The following NCAM2 variants were observed in gnomAD, a reference collection of about 807,000 sequenced individuals.
The protein encoded by NCAM2 is N-CAM-2.
A neutral mutation model predicts 98.1 loss-of-function variants in NCAM2; 30 were observed. That is an observed-to-expected ratio of 0.31 (90% CI 0.23 to 0.41). NCAM2 has a LOEUF of 0.41. Among genes scored for constraint, NCAM2 ranks in the 10% least tolerant of loss-of-function variants. NCAM2 has a pLI of 1.00. For synonymous variants in NCAM2, 368 were observed against 342.4 expected (o/e 1.07, Z -0.83); for missense variants, 867 against 1,005.8 (o/e 0.86, Z 1.87).
intron 9 of NCAM2, among the ~76,000 whole-genome samples, chr21:21,392,405 T>C (rs561595316): frequency 1.6e-4 from 25 of 152,214 alleles, no homozygotes; most frequent in Non-Finnish European, 3.5e-4. Flanking sequence ...AGTGCTGCAG[T>C]GAACATACAA....
chr21:21,144,071 T>C (rs1177597378), intron 1 of NCAM2, among the ~76,000 whole-genome samples: 1 of 152,100 alleles, frequency 6.6e-6, no homozygotes, highest in Non-Finnish European at 1.5e-5. Flanking sequence ...ACCTTTTGGC[T>C]GGGCACGGTG....
At chr21:21,020,188 A>G (rs1032978837) in intron 1 of NCAM2, among the ~76,000 whole-genome samples, 1 of 152,032 alleles carries the variant, frequency 6.6e-6, no homozygotes, top group Non-Finnish European at 1.5e-5. Context: ...GGTGCCCACC[A>G]CCAAGCCTGG....
At chr21:21,433,918 TAA>T (rs74523281) in intron 12 of NCAM2, among the ~76,000 whole-genome samples, 11,430 of 152,088 alleles carry the variant, frequency 0.075, 469 homozygotes, top group East Asian at 0.16. Flanking sequence ...AAATTAATAT[TAA>T]GTCTGAATAT....
At position 21,415,571 on chromosome 21, in the gene NCAM2, G is replaced by A. The variant is rs575687925; in HGVS notation, c.1384-2902G>A. Reference sequence around the variant, plus strand: ...AGGATGATCTCGATCTCCTGACCTCGTGATCTGCCCGCCTCGGCCTCCCAA... The same window carrying A: ...AGGATGATCTCGATCTCCTGACCTCATGATCTGCCCGCCTCGGCCTCCCAA... On this transcript the variant is annotated intron_variant, in intron 10 of 17. Coordinates refer to ENST00000400546, the MANE Select transcript of NCAM2 (RefSeq NM_004540.5). 5.3e-5 allele frequency among the ~76,000 whole-genome samples: 8 copies of A among 152,048 alleles called. No individual in the cohort carries two copies. In the South Asian group the frequency reaches 6.2e-4, roughly 12 times the overall value.
rs1329664445 is a variant in NCAM2 at position 21,452,595 on chromosome 21, C to A, written c.1655-14011C>A. ...TATATTGTATATATATTGTATTGTG[C>A]ATATAATTGTATATATAGTATAATA... On this transcript the variant is annotated intron_variant, in intron 12 of 17. Coordinates refer to ENST00000400546, the MANE Select transcript of NCAM2 (RefSeq NM_004540.5). Among the ~76,000 whole-genome samples, 29 of 39,596 alleles carry A rather than the reference C, an allele frequency of 7.3e-4. 1 individual carries two copies. The highest frequency in any genetic ancestry group is 1.7e-3 in the Admixed American group (5 of 2,898). The allele number at this position is 39,596 out of a possible 152,430, so 26.0% of individuals were successfully genotyped here.
chr21:21,400,930 T>C (rs1211321917), intron 9 of NCAM2, among the ~76,000 whole-genome samples: 1 of 152,126 alleles, frequency 6.6e-6, no homozygotes, highest in Non-Finnish European at 1.5e-5. Context: ...TTTAAATTTG[T>C]CCCAGGGTAA....
In NCAM2 at chr21:21,406,993, T is replaced by C. The variant is rs533303830; in HGVS notation, c.1196-3281T>C. 4.6e-5 allele frequency among the ~76,000 whole-genome samples: 7 copies of C among 152,314 alleles called. No homozygotes were observed. In the East Asian group the frequency reaches 1.4e-3, roughly 29 times the overall value. On this transcript the variant is annotated intron_variant, in intron 9 of 17. Transcript: ENST00000400546. ...ATTCTTTTCTCCTTTTTCCCCTGTA[T>C]GTGTTTCTCTAACCACCAGTGTTTA... is the stretch of plus-strand genomic sequence containing the variant.
intron 9 of NCAM2, among the ~76,000 whole-genome samples, chr21:21,380,279 T>C (rs2076125244): frequency 6.6e-6 from 1 of 152,212 alleles, no homozygotes; most frequent in African/African-American, 2.4e-5. Flanking sequence ...TTAAGAGGTA[T>C]TAAAATCTTC....
At chr21:21,003,306 A>T (rs1205957007) in intron 1 of NCAM2, among the ~76,000 whole-genome samples, 1 of 152,130 alleles carries the variant, frequency 6.6e-6, no homozygotes, top group Non-Finnish European at 1.5e-5. Flanking sequence ...GGCAATCAAA[A>T]CATTATAGTT....
At chr21:21,061,253 C>T (rs1484367750) in intron 1 of NCAM2, among the ~76,000 whole-genome samples, 1 of 152,060 alleles carries the variant, frequency 6.6e-6, no homozygotes. Context: ...TCAAAGTGTT[C>T]TTGAATATAG....
At chr21:21,414,296 T>A (rs1219831929) in intron 10 of NCAM2, among the ~76,000 whole-genome samples, 1 of 152,212 alleles carries the variant, frequency 6.6e-6, no homozygotes, top group Non-Finnish European at 1.5e-5. Context: ...TTCTTCCAAA[T>A]TCTTATTAAT....
At chr21:21,108,900 C>T (rs1369466491) in intron 1 of NCAM2, among the ~76,000 whole-genome samples, 1 of 152,074 alleles carries the variant, frequency 6.6e-6, no homozygotes, top group Non-Finnish European at 1.5e-5. Context: ...AAATCAACCC[C>T]ACTATTTGCT....
intron 1 of NCAM2, among the ~76,000 whole-genome samples, chr21:21,260,938 C>T (rs1233168796): frequency 6.6e-6 from 1 of 151,946 alleles, no homozygotes; most frequent in Non-Finnish European, 1.5e-5. Context: ...AATACTCAAC[C>T]ACCATCTTTT....
At chr21:21,282,212 A>G (rs932944093) in intron 2 of NCAM2, among the ~76,000 whole-genome samples, 5 of 151,876 alleles carry the variant, frequency 3.3e-5, no homozygotes, top group African/African-American at 1.2e-4. Flanking sequence ...TAAAGGTAGA[A>G]TAACAAAATA....
intron 15 of NCAM2, among the ~76,000 whole-genome samples, chr21:21,504,328 T>G (rs916005524): frequency 1.3e-5 from 2 of 151,962 alleles, no homozygotes; most frequent in African/African-American, 4.8e-5. Context: ...CTTATAAAGT[T>G]ACCATAAAAT....
chr21:21,295,256 T>TG (rs11464088), intron 5 of NCAM2, among the ~76,000 whole-genome samples: 29,140 of 150,902 alleles, frequency 0.19, 2,866 homozygotes, highest in African/African-American at 0.21. Context: ...ACTCTTTTGT[T>TG]CACCAATTAG....
chr21:21,209,278 C>T (rs184032123), intron 1 of NCAM2, among the ~76,000 whole-genome samples: 55 of 152,226 alleles, frequency 3.6e-4, no homozygotes, highest in Admixed American at 3.0e-3. Flanking sequence ...TGCAGTGGCA[C>T]GATCACAGCT....
intron 16 of NCAM2, among the ~76,000 whole-genome samples, chr21:21,524,431 A>C (rs1337163834): frequency 6.6e-6 from 1 of 151,824 alleles, no homozygotes; most frequent in South Asian, 2.1e-4. Context: ...CAGAAAAAAA[A>C]AAAAAAATGG....
At chr21:21,305,896 T>A (rs2073865153) in intron 5 of NCAM2, among the ~76,000 whole-genome samples, 1 of 152,176 alleles carries the variant, frequency 6.6e-6, no homozygotes, top group Non-Finnish European at 1.5e-5. Flanking sequence ...AATAATTCCC[T>A]ATATGTCTAC....
Sources: allele counts gnomAD v4.1 joint callset (sites outside exome capture counted in the v4.1 genomes callset), GRCh38; gene constraint gnomAD v4.1.1; transcripts MANE v1.5; gene names NCBI Gene and HGNC (gene_info 2026-07-23, HGNC 2026-07-21).